LINGO2: variants seen among roughly 807,000 people sequenced by gnomAD.
LINGO2 encodes the protein leucine-rich repeat and immunoglobulin-like domain-containing nogo receptor-interacting protein 2.
A neutral mutation model predicts 30.6 loss-of-function variants in LINGO2; 14 were observed. The ratio of observed to expected loss-of-function variants is 0.46; its 90% CI spans 0.30 to 0.72. The LOEUF is 0.72. Among genes scored for constraint, LINGO2 ranks in the 30% least tolerant of loss-of-function variants. LINGO2 has a pLI of 0.07. For missense variants in LINGO2, 729 were observed against 751.7 expected (o/e 0.97, Z 0.35); for synonymous variants, 317 against 288.5 (o/e 1.10, Z -1.00).
the LINGO2 span, among the ~76,000 whole-genome samples, chr9:28,935,392 T>G: frequency 6.6e-6 from 1 of 152,088 alleles, no homozygotes; most frequent in African/African-American, 2.4e-5. Context: ...CTTTTTCTTA[T>G]TCCATCTTGT....
intron 3 of LINGO2, among the ~76,000 whole-genome samples, chr9:28,309,867 A>G (rs1412273275): frequency 1.3e-5 from 2 of 152,124 alleles, no homozygotes; most frequent in Non-Finnish European, 2.9e-5. Flanking sequence ...TTCACACTTC[A>G]CCAAAGAGGC....
chr9:28,830,795 C>A, the LINGO2 span, among the ~76,000 whole-genome samples: 1 of 147,734 alleles, frequency 6.8e-6, no homozygotes, highest in Admixed American at 6.6e-5. Flanking sequence ...CATACACACA[C>A]ACATGCATGT....
chr9:28,946,858 C>G, the LINGO2 span, among the ~76,000 whole-genome samples: 1 of 151,904 alleles, frequency 6.6e-6, no homozygotes, highest in Non-Finnish European at 1.5e-5. Flanking sequence ...TTGAATAACC[C>G]AAGCAAATCT....
chr9:28,144,493 A>G (rs1827759586), intron 4 of LINGO2, among the ~76,000 whole-genome samples: 1 of 152,258 alleles, frequency 6.6e-6, no homozygotes, highest in African/African-American at 2.4e-5. Flanking sequence ...TCCACAGACA[A>G]CATTCATAAT....
chr9:28,990,679 C>A, the LINGO2 span, among the ~76,000 whole-genome samples: 2,461 of 152,224 alleles, frequency 0.016, 77 homozygotes, highest in African/African-American at 0.056. Flanking sequence ...AACGATCAGA[C>A]AGCAGCATTC....
intron 3 of LINGO2, among the ~76,000 whole-genome samples, chr9:28,370,058 A>G (rs906471130): frequency 2.0e-5 from 3 of 152,212 alleles, no homozygotes; most frequent in Non-Finnish European, 4.4e-5. Context: ...ATTTTCAAAT[A>G]CACAGGAAGG....
chr9:28,721,850 A>G, the LINGO2 span, among the ~76,000 whole-genome samples: 9 of 152,210 alleles, frequency 5.9e-5, no homozygotes, highest in African/African-American at 2.2e-4. Context: ...ACATGGAGAT[A>G]CAATTTTTTT....
At chr9:28,785,485 T>C in the LINGO2 span, among the ~76,000 whole-genome samples, 2 of 152,184 alleles carry the variant, frequency 1.3e-5, no homozygotes. Flanking sequence ...CTTTGCTTAT[T>C]GATTTATTTG....
chr9:28,868,729 C>T, the LINGO2 span, among the ~76,000 whole-genome samples: 1 of 152,104 alleles, frequency 6.6e-6, no homozygotes, highest in Non-Finnish European at 1.5e-5. Context: ...TTTGGAACAG[C>T]AGTTCAGCTG....
At chr9:27,958,380 C>T (rs1484016951) in intron 5 of LINGO2, among the ~76,000 whole-genome samples, 5 of 151,908 alleles carry the variant, frequency 3.3e-5, no homozygotes, top group African/African-American at 4.8e-5. Flanking sequence ...TTTTCTACTT[C>T]GTGAGAATTT....
chr9:29,049,907 A>G, the LINGO2 span, among the ~76,000 whole-genome samples: 1 of 152,212 alleles, frequency 6.6e-6, no homozygotes, highest in African/African-American at 2.4e-5. Flanking sequence ...GGCTATAGTC[A>G]ATAATAACTT....
At chr9:28,905,237 A>C in the LINGO2 span, among the ~76,000 whole-genome samples, 110,255 of 148,944 alleles carry the variant, frequency 0.74, 40,981 homozygotes, top group Non-Finnish European at 0.78. Context: ...GGATACAACA[A>C]ATATTCATAC....
intron 4 of LINGO2, among the ~76,000 whole-genome samples, chr9:28,271,946 G>T (rs943956606): frequency 6.6e-6 from 1 of 152,160 alleles, no homozygotes; most frequent in Non-Finnish European, 1.5e-5. Context: ...AGCACATTGA[G>T]GTTTGAATAC....
chr9:28,187,561 A>G (rs1564027166), intron 4 of LINGO2, among the ~76,000 whole-genome samples: 1 of 152,072 alleles, frequency 6.6e-6, no homozygotes, highest in Non-Finnish European at 1.5e-5. Flanking sequence ...CTGGATGGAT[A>G]GAATTGTCAT....
intron 4 of LINGO2, among the ~76,000 whole-genome samples, chr9:28,119,505 C>T (rs924094718): frequency 6.6e-6 from 1 of 152,148 alleles, no homozygotes; most frequent in African/African-American, 2.4e-5. Context: ...AATAATAATA[C>T]ATAATTCAGG....
At chr9:28,688,080 T>G in the LINGO2 span, among the ~76,000 whole-genome samples, 1 of 152,282 alleles carries the variant, frequency 6.6e-6, no homozygotes, top group Non-Finnish European at 1.5e-5. Flanking sequence ...TTCAAACACT[T>G]GTATGCGCAC....
At chr9:29,058,215 C>G in the LINGO2 span, among the ~76,000 whole-genome samples, 4 of 151,812 alleles carry the variant, frequency 2.6e-5, no homozygotes, top group South Asian at 4.2e-4. Flanking sequence ...AACACAGAAA[C>G]AAAATAGAGA....
At chr9:28,703,955 T>C in the LINGO2 span, among the ~76,000 whole-genome samples, 1 of 152,062 alleles carries the variant, frequency 6.6e-6, no homozygotes, top group Non-Finnish European at 1.5e-5. Flanking sequence ...TTTGGATACA[T>C]TGTTACCTGT....
At chr9:28,937,753 C>A in the LINGO2 span, among the ~76,000 whole-genome samples, 4 of 152,248 alleles carry the variant, frequency 2.6e-5, no homozygotes, top group East Asian at 5.8e-4. Context: ...GAGTGGCAGA[C>A]CTGCTAGTCT....
Sources: allele counts gnomAD v4.1 joint callset (sites outside exome capture counted in the v4.1 genomes callset), GRCh38; gene constraint gnomAD v4.1.1; transcripts MANE v1.5; gene names NCBI Gene and HGNC (gene_info 2026-07-23, HGNC 2026-07-21).